Variants in PREX1 observed in about 807,000 individuals in gnomAD.
PREX1 encodes phosphatidylinositol 3,4,5-trisphosphate-dependent Rac exchanger 1 protein.
A neutral mutation model predicts 198.3 loss-of-function variants in PREX1; 41 were observed. That is an observed-to-expected ratio of 0.21 (90% CI 0.16 to 0.27). The LOEUF (loss-of-function observed/expected upper bound fraction) is 0.27. Among genes scored for constraint, PREX1 ranks in the 10% least tolerant of loss-of-function variants. The pLI, the probability that PREX1 is intolerant of heterozygous loss-of-function variation, is 1.00. For missense variants in PREX1, 1,620 were observed against 2,200.7 expected (o/e 0.74, Z 5.28); for synonymous variants, 843 against 887.2 (o/e 0.95, Z 0.89).
intron 15 of PREX1, among the ~76,000 whole-genome samples, chr20:48,662,356 A>T (rs147512707): frequency 6.6e-6 from 1 of 152,352 alleles, no homozygotes; most frequent in East Asian, 1.9e-4. Context: ...AGCTCAGCCA[A>T]GCGAGCTACC....
intron 18 of PREX1, 100 bp downstream of exon 18, chr20:48,656,940 C>T: frequency 7.1e-7 from 1 of 1,405,938 alleles, no homozygotes; most frequent in Admixed American, 2.5e-5. Flanking sequence ...ACAATGGGTC[C>T]CAGCCACGGG....
chr20:48,677,503 G>A (rs985825053), intron 13 of PREX1, among the ~76,000 whole-genome samples: 1 of 152,220 alleles, frequency 6.6e-6, no homozygotes, highest in Admixed American at 6.5e-5. Context: ...AATGCCAGGA[G>A]CCATTCAAAG....
rs1244235560 is a variant in PREX1 at position 48,655,363 on chromosome 20, G to T, written c.2136C>A (p.Ile712=). ...AGCACAGTGTGTCCGGCTGGTCGGG[G>T]ATTTTGATGATCCTGCACCAGGTAG... ...VATKAKEIIK[I]PDQPDTLCFQ... Residue 712 remains isoleucine, a synonymous_variant, in exon 19 of 40, where the codon ATC becomes ATA. Transcript: ENST00000371941. 3 of 1,582,616 alleles carry T rather than the reference G, an allele frequency of 1.9e-6. No individual in the cohort carries two copies. The highest frequency in any genetic ancestry group is 1.4e-5 in the African/African-American group (1 of 73,638).
intron 24 of PREX1, 89 bp downstream of exon 24, chr20:48,649,907 C>T (rs1568802097): frequency 6.9e-7 from 1 of 1,458,344 alleles, no homozygotes; most frequent in South Asian, 1.2e-5. Context: ...GCCATTCCAG[C>T]CCTGGACGGC....
chr20:48,789,868 G>T (rs980285606), intron 1 of PREX1, among the ~76,000 whole-genome samples: 13 of 149,258 alleles, frequency 8.7e-5, no homozygotes, highest in South Asian at 2.1e-4. Context: ...TGGACAGGTG[G>T]GTGGGTGGGG....
chr20:48,827,636 A>G lies in PREX1; in HGVS notation c.219+6T>C. 1 of 1,295,976 alleles carries G rather than the reference A, an allele frequency of 7.7e-7. No homozygotes were observed. The allele number at this position is 1,295,976 out of a possible 1,614,324, so 80.3% of individuals were successfully genotyped here. A position where few individuals can be genotyped will look rare whatever the true frequency, so the allele number is the denominator to read the frequency against. ...AGCTGTCCCCAAGCTCCCGAGCGAC[A>G]CTCACCGACTGCAAGAAGCGCAAGG... is the stretch of plus-strand genomic sequence containing the variant. On this transcript the variant is annotated splice_donor_region_variant and intron_variant, in intron 1 of 39. Transcript: ENST00000371941. The surrounding 1 kb of genome is among the most constrained non-coding windows in gnomAD (Gnocchi z 4.1).
rs2090053639 is a variant in PREX1, at chr20:48,735,546, C to T, written c.415-896G>A. ...TCATCTGAGCAGACACCCTGAGCCA[C>T]AAAGTGCCCAGGTCAGTGCTGATGG... On this transcript the variant is annotated intron_variant, in intron 3 of 39. Transcript: ENST00000371941. Among the ~76,000 whole-genome samples the T allele has an allele frequency of 2.0e-5, 3 of 151,942 alleles. No individual in the cohort carries two copies. The South Asian group carries it at 6.3e-4, about 32-fold the overall frequency.
At chr20:48,633,815 C>T (rs976930026) in intron 33 of PREX1, among the ~76,000 whole-genome samples, 10 of 152,192 alleles carry the variant, frequency 6.6e-5, no homozygotes, top group Non-Finnish European at 4.4e-5. Context: ...GCAAAGTTCC[C>T]TCAATGATTC....
chr20:48,824,011 C>G (rs1181437384), intron 1 of PREX1, among the ~76,000 whole-genome samples: 1 of 152,170 alleles, frequency 6.6e-6, no homozygotes, highest in Non-Finnish European at 1.5e-5. Context: ...AGTGATGAAT[C>G]AAAGTCAGTT....
chr20:48,827,663 G>A lies in PREX1; in HGVS notation c.198C>T (p.Gly66=), dbSNP rs759090371. The change falls in exon 1 of 40, where the codon GGC becomes GGT. Residue 66 remains glycine, a synonymous_variant. Coordinates refer to ENST00000371941, the MANE Select transcript of PREX1 (RefSeq NM_020820.4). This position sits in a 1 kb window ranked among gnomAD's most constrained non-coding sequence, Gnocchi z 4.1. The part of the protein sequence containing the change: ...EILGTERDYV[G]TLRFLQSAFL... ...TCACCGACTGCAAGAAGCGCAAGGT[G>A]CCCACGTAGTCCCTCTCGGTGCCCA... 3 of 1,348,766 alleles carry A rather than the reference G, an allele frequency of 2.2e-6. No homozygotes were observed. The highest frequency in any genetic ancestry group is 4.0e-5 in the South Asian group (2 of 50,226). 83.5% of individuals were successfully genotyped at this position (1,348,766 alleles called of 1,614,324 possible).
chr20:48,870,204 G>A, the PREX1 span, among the ~76,000 whole-genome samples: 1 of 152,080 alleles, frequency 6.6e-6, no homozygotes, highest in Non-Finnish European at 1.5e-5. Flanking sequence ...CCATGTATGA[G>A]GGACTATTTT....
At position 48,700,874 on chromosome 20, in the gene PREX1, T is replaced by G; in HGVS notation, c.796A>C (p.Thr266Pro). The G allele has an allele frequency of 6.2e-7, 1 of 1,614,116 alleles. No individual in the cohort carries two copies. Among genetic ancestry groups the G allele is most frequent in the South Asian group, 1.1e-5 (1 of 91,078 alleles). ...AGGAGGAGCTGAGTGCAGATGTCTGTGAGGTTGGAACCCTGGAAGCGCAAT... is the reference window on the plus strand; with the variant it reads ...AGGAGGAGCTGAGTGCAGATGTCTGGGAGGTTGGAACCCTGGAAGCGCAAT... Reference protein sequence around the residue: ...HIEGWEGSNLTDICTQLLLQG... With the variant: ...HIEGWEGSNLPDICTQLLLQG... The change falls in exon 7 of 40, where the codon ACA (threonine) becomes CCA (proline). Residue 266 changes from threonine (T) to proline (P), a missense_variant. By Grantham distance (38) the Thr-to-Pro change is conservative (BLOSUM62 -1). This residue lies in a region of PREX1 where 488 missense variants were observed against 802.5 expected (regional missense o/e 0.61). Coordinates refer to ENST00000371941, the MANE Select transcript of PREX1 (RefSeq NM_020820.4).
intron 6 of PREX1, among the ~76,000 whole-genome samples, chr20:48,705,925 G>A (rs766128570): frequency 2.0e-5 from 3 of 152,138 alleles, no homozygotes; most frequent in Non-Finnish European, 4.4e-5. Context: ...CTCGAGACAG[G>A]GCAGTCTATA....
At chr20:48,809,077 TG>T (rs1028720893) in intron 1 of PREX1, among the ~76,000 whole-genome samples, 1 of 152,202 alleles carries the variant, frequency 6.6e-6, no homozygotes, top group Non-Finnish European at 1.5e-5. Flanking sequence ...ACCAGGTTCT[TG>T]GGGGGCTATG....
the PREX1 span, among the ~76,000 whole-genome samples, chr20:48,884,645 A>G: frequency 1.3e-5 from 2 of 152,364 alleles, no homozygotes; most frequent in South Asian, 4.1e-4. Flanking sequence ...ATAAATGACT[A>G]AAGAAAAACA....
intron 7 of PREX1, among the ~76,000 whole-genome samples, chr20:48,697,021 G>C (rs1392882514): frequency 6.7e-6 from 1 of 150,202 alleles, no homozygotes. Flanking sequence ...GGTCTATCTG[G>C]AGAATCTTGA....
At chr20:48,839,531 TCAA>T in the PREX1 span, among the ~76,000 whole-genome samples, 1 of 152,236 alleles carries the variant, frequency 6.6e-6, no homozygotes, top group African/African-American at 2.4e-5. Flanking sequence ...CCTTTTTCAC[TCAA>T]CATCCTGTTT....
intron 1 of PREX1, among the ~76,000 whole-genome samples, chr20:48,754,542 G>C (rs989083625): frequency 2.5e-4 from 38 of 152,142 alleles, no homozygotes; most frequent in African/African-American, 8.4e-4. Context: ...AAGAGGCCTT[G>C]AAGTCACTCC....
At chr20:48,653,714 G>A (rs1350270393) in intron 19 of PREX1, among the ~76,000 whole-genome samples, 2 of 152,190 alleles carry the variant, frequency 1.3e-5, no homozygotes, top group African/African-American at 4.8e-5. Context: ...AGTAGTAGCT[G>A]GCCCAAGGTC....
Sources: allele counts gnomAD v4.1 joint callset (sites outside exome capture counted in the v4.1 genomes callset), GRCh38; gene constraint gnomAD v4.1.1; regional missense constraint gnomAD v4.1.1; non-coding constraint Gnocchi (gnomAD v3.1); transcripts MANE v1.5; gene names NCBI Gene and HGNC (gene_info 2026-07-23, HGNC 2026-07-21).